TMEM232: variants seen among roughly 807,000 people sequenced by gnomAD.
TMEM232 encodes transmembrane protein 232.
A neutral mutation model predicts 78.8 loss-of-function variants in TMEM232; 80 were observed. The observed-to-expected ratio is 1.01, with a 90% CI of 0.85 to 1.22. The LOEUF (loss-of-function observed/expected upper bound fraction) is 1.22, where lower values mean the gene tolerates loss of function less well. Ranked by LOEUF, TMEM232 falls within the 50% of genes most tolerant of loss-of-function variation. The pLI is 0.00. For synonymous variants in TMEM232, 297 were observed against 254.3 expected (o/e 1.17, Z -1.60); for missense variants, 881 against 742.2 (o/e 1.19, Z -2.17).
At chr5:110,651,705 G>C (rs1788330970) in intron 2 of TMEM232, among the ~76,000 whole-genome samples, 1 of 152,006 alleles carries the variant, frequency 6.6e-6, no homozygotes. Context: ...GCAGAAACAG[G>C]GGCACCAGCA....
At chr5:110,611,342 G>A (rs1248958087) in intron 8 of TMEM232, among the ~76,000 whole-genome samples, 1 of 152,094 alleles carries the variant, frequency 6.6e-6, no homozygotes, top group African/African-American at 2.4e-5. Context: ...CAGAAAAGAT[G>A]GATGACAAAA....
intron 2 of TMEM232, among the ~76,000 whole-genome samples, chr5:110,657,283 A>C (rs1263469013): frequency 1.3e-5 from 2 of 152,214 alleles, no homozygotes; most frequent in Admixed American, 1.3e-4. Flanking sequence ...AGTATGTGAA[A>C]GAGACATCTG....
chr5:110,405,182 A>G (rs1205687796), intron 2 of TMEM232, among the ~76,000 whole-genome samples: 7 of 152,116 alleles, frequency 4.6e-5, no homozygotes, highest in Non-Finnish European at 1.0e-4. Flanking sequence ...GTGATACTGA[A>G]AAAATGAAGC....
At chr5:110,544,653 T>A (rs1773563904) in intron 11 of TMEM232, among the ~76,000 whole-genome samples, 1 of 152,198 alleles carries the variant, frequency 6.6e-6, no homozygotes, top group Non-Finnish European at 1.5e-5. Flanking sequence ...TCTTTACCTT[T>A]CCTTAAGTAA....
chr5:110,404,041 T>C (rs944210071), intron 2 of TMEM232, among the ~76,000 whole-genome samples: 5 of 151,960 alleles, frequency 3.3e-5, no homozygotes, highest in Non-Finnish European at 7.4e-5. Flanking sequence ...CAGTCTTACC[T>C]TTCTCTCTTC....
At chr5:110,503,549 C>T (rs536556850) in intron 12 of TMEM232, among the ~76,000 whole-genome samples, 4 of 152,206 alleles carry the variant, frequency 2.6e-5, no homozygotes, top group South Asian at 4.2e-4. Flanking sequence ...CAGAGACCAA[C>T]GTAAAATGTT....
chr5:110,432,276 A>G (rs1757941284), intron 12 of TMEM232, among the ~76,000 whole-genome samples: 1 of 151,766 alleles, frequency 6.6e-6, no homozygotes, highest in Admixed American at 6.6e-5. Flanking sequence ...TCAGACTAAC[A>G]GAACCCTTAT....
intron 1 of TMEM232, among the ~76,000 whole-genome samples, chr5:110,683,011 T>A (rs2445863): frequency 0.61 from 92,013 of 152,018 alleles, 32,281 homozygotes; most frequent in Non-Finnish European, 0.79. Context: ...TGCAGATTAC[T>A]TTAACTGCAG....
At chr5:110,465,658 T>C (rs538575371) in intron 12 of TMEM232, among the ~76,000 whole-genome samples, 3 of 152,172 alleles carry the variant, frequency 2.0e-5, no homozygotes, top group Non-Finnish European at 2.9e-5. Context: ...ATCTAGAAAT[T>C]TGAACTAAAT....
intron 1 of TMEM232, among the ~76,000 whole-genome samples, chr5:110,692,008 C>T (rs1794173411): frequency 6.6e-6 from 1 of 152,140 alleles, no homozygotes. Context: ...GCAAGCCCCA[C>T]CTCCTGGGTT....
chr5:110,520,823 C>T (rs2149498425), intron 12 of TMEM232, among the ~76,000 whole-genome samples: 1 of 152,232 alleles, frequency 6.6e-6, no homozygotes, highest in South Asian at 2.1e-4. Context: ...GAGGCTGAGG[C>T]AGGAGAATCT....
chr5:110,734,307 TG>T (rs1244555818), intron 2 of TMEM232, among the ~76,000 whole-genome samples: 2 of 152,192 alleles, frequency 1.3e-5, no homozygotes, highest in Non-Finnish European at 2.9e-5. Context: ...GAAGGGGTAG[TG>T]GTTATTCAGG....
Position 110,612,716 on chromosome 5 carries a change from T to C in TMEM232, c.902+5713A>G, listed in dbSNP as rs142498732. Among the ~76,000 whole-genome samples, 1,482 of 152,288 alleles carry C rather than the reference T, an allele frequency of 9.7e-3. 34 individuals are homozygous for C. Among genetic ancestry groups the C allele is most frequent in the African/African-American group, 0.033 (1,384 of 41,550 alleles). On this transcript the variant is annotated intron_variant, in intron 8 of 13. Coordinates refer to ENST00000455884, the MANE Select transcript of TMEM232 (RefSeq NM_001039763.4). Reference sequence around the variant, plus strand: ...TTTTTTGGAATACACTTATGGAGCATATTAAATCAGTTATTTTGTGTTGGA... The same window carrying C: ...TTTTTTGGAATACACTTATGGAGCACATTAAATCAGTTATTTTGTGTTGGA...
intron 12 of TMEM232, among the ~76,000 whole-genome samples, chr5:110,444,040 C>A (rs1759362904): frequency 6.6e-6 from 1 of 152,116 alleles, no homozygotes; most frequent in African/African-American, 2.4e-5. Context: ...AGATGTGCTG[C>A]CTGGGGTTGG....
intron 1 of TMEM232, among the ~76,000 whole-genome samples, chr5:110,677,824 T>C (rs1180765182): frequency 6.6e-6 from 1 of 152,158 alleles, no homozygotes; most frequent in African/African-American, 2.4e-5. Context: ...CTTCTTTGAT[T>C]CCCATCATCA....
intron 1 of TMEM232, among the ~76,000 whole-genome samples, chr5:110,722,794 G>A (rs1797778903): frequency 1.3e-5 from 2 of 152,174 alleles, no homozygotes; most frequent in Non-Finnish European, 1.5e-5. Context: ...CACAGCCATA[G>A]TACTTTTTAT....
chr5:110,416,784 C>T (rs72788426), downstream of TMEM232, among the ~76,000 whole-genome samples: 2,654 of 152,232 alleles, frequency 0.017, 29 homozygotes, highest in Non-Finnish European at 0.028. Flanking sequence ...TTATTTTTAT[C>T]TGTTACCTCT....
chr5:110,711,171 A>T (rs1328585029), intron 1 of TMEM232, among the ~76,000 whole-genome samples: 4 of 152,202 alleles, frequency 2.6e-5, no homozygotes, highest in Non-Finnish European at 5.9e-5. Flanking sequence ...CAAGAGGTAC[A>T]AATAAAATTA....
At chr5:110,393,105 G>A (rs1368188803) in intron 3 of TMEM232, among the ~76,000 whole-genome samples, 1 of 152,012 alleles carries the variant, frequency 6.6e-6, no homozygotes, top group Non-Finnish European at 1.5e-5. Flanking sequence ...ATATGTTGGG[G>A]GAATAGACAT....
Sources: allele counts gnomAD v4.1 joint callset (sites outside exome capture counted in the v4.1 genomes callset), GRCh38; gene constraint gnomAD v4.1.1; transcripts MANE v1.5; gene names NCBI Gene and HGNC (gene_info 2026-07-23, HGNC 2026-07-21).